The following ZNF43 variants were observed in gnomAD, a reference collection of about 807,000 sequenced individuals.
The protein encoded by ZNF43 is zinc finger protein 39-like 1 (KOX 27).
ZNF43 carries 44 observed loss-of-function variants against 68.4 expected under a neutral mutation model. The ratio of observed to expected loss-of-function variants is 0.64; its 90% CI spans 0.51 to 0.83. The LOEUF is 0.83. Ranked by LOEUF, ZNF43 falls within the 40% of genes least tolerant of loss-of-function variation. The pLI, the probability that ZNF43 is intolerant of heterozygous loss-of-function variation, is 0.00. For synonymous variants in ZNF43, 308 were observed against 307.8 expected, an observed-to-expected ratio of 1.00 and a Z score of -0.01; for missense variants, 896 against 933.2, an observed-to-expected ratio of 0.96 and a Z score of 0.52.
Position 21,810,513 on chromosome 19 carries a change from A to C in ZNF43, c.230-706T>G, listed in dbSNP as rs539951334. Among the ~76,000 whole-genome samples the C allele has an allele frequency of 3.1e-4, 47 of 152,344 alleles. 1 individual carries two copies. Among genetic ancestry groups the C allele is most frequent in the African/African-American group, 1.1e-3 (44 of 41,578 alleles). ...ATTATACTGCAGCATGAGGTTTGGA[A>C]ACATGGACATCCAAACCATATCACA... On this transcript the variant is annotated intron_variant, in intron 3 of 3. Coordinates refer to ENST00000354959, the MANE Select transcript of ZNF43 (RefSeq NM_003423.4).
intron 3 of ZNF43, among the ~76,000 whole-genome samples, chr19:21,816,029 C>A (rs1248987725): frequency 6.6e-6 from 1 of 151,058 alleles, no homozygotes; most frequent in East Asian, 1.9e-4. Flanking sequence ...CCATTGCACT[C>A]CAGCCTGGGC....
At position 21,808,882 on chromosome 19, in the gene ZNF43, A is replaced by G. The variant is rs765626561; in HGVS notation, c.1155T>C (p.Leu385=). Reference sequence around the variant, plus strand: ...CAGTATGAATTTTCTTATGTTTAGTAAGGTTTGAGGACCGGCTAAAAGCTT... The same window carrying G: ...CAGTATGAATTTTCTTATGTTTAGTGAGGTTTGAGGACCGGCTAAAAGCTT... ...CGEAFSRSSN[L]TKHKKIHTEK... The change falls in exon 4 of 4, where the codon CTT becomes CTC. Residue 385 remains leucine (L), a synonymous_variant. Coordinates refer to ENST00000354959, the MANE Select transcript of ZNF43 (RefSeq NM_003423.4). 1 of 1,613,760 alleles carries G rather than the reference A, an allele frequency of 6.2e-7. No homozygotes were observed. The highest frequency in any genetic ancestry group is 1.7e-5 in the Admixed American group (1 of 60,012).
chr19:21,822,709 G>A (rs890406014), intron 1 of ZNF43, among the ~76,000 whole-genome samples: 1 of 152,098 alleles, frequency 6.6e-6, no homozygotes, highest in Admixed American at 6.5e-5. Context: ...GGAGGCTGAG[G>A]GGGGAGAATG....
At position 21,809,755 on chromosome 19, in the gene ZNF43, A is replaced by C; in HGVS notation, c.282T>G (p.Asp94Glu). Residue 94 changes from aspartate (D) to glutamate (E), a missense_variant, in exon 4 of 4, where the codon GAT (aspartate) becomes GAG (glutamate). By Grantham distance (45) the Asp-to-Glu change is conservative. Transcript: ENST00000354959. ...QDFWPEQHIK[D>E]PFQKATLRRY... ...TTCTCAGTGTCGCTTTTTGGAAAGG[A>C]TCTTTTATATGCTGCTCTGGCCAAA... 1.9e-6 allele frequency: 3 copies of C among 1,603,530 alleles called. No individual in the cohort carries two copies. The highest frequency in any genetic ancestry group is 2.5e-6 in the Non-Finnish European group (3 of 1,177,166).
rs1468454055 is a variant in ZNF43 at position 21,807,077 on chromosome 19, A to G, written c.*530T>C. On this transcript the variant is annotated 3_prime_UTR_variant, in exon 4 of 4. Coordinates refer to ENST00000354959, the MANE Select transcript of ZNF43 (RefSeq NM_003423.4). Reference sequence around the variant, plus strand: ...TAGACCCTCATGTTTTATAAGCTGTAGTTTTTCAAAACTGTTTTTACAAAT... The same window carrying G: ...TAGACCCTCATGTTTTATAAGCTGTGGTTTTTCAAAACTGTTTTTACAAAT... 6.6e-6 allele frequency: 1 copy of G among 152,218 alleles called. No homozygotes were observed. Among genetic ancestry groups the G allele is most frequent in the African/African-American group, 2.4e-5 (1 of 41,462 alleles). The allele number at this position is 152,218 out of a possible 1,614,324, so 9.4% of individuals were successfully genotyped here.
In ZNF43 at chr19:21,848,568, G is replaced by GT. The variant is rs1194922027; in HGVS notation, c.30+3336dup. Among the ~76,000 whole-genome samples the GT allele has an allele frequency of 2.6e-5, 4 of 152,292 alleles. No individual in the cohort carries two copies. In the East Asian group the frequency reaches 7.7e-4, roughly 29 times the overall value. On this transcript the variant is annotated intron_variant, in intron 1 of 3. Transcript: ENST00000357491. The stretch of plus-strand genomic sequence containing the variant: ...TACTATTTTACAATACCCAAAATTT[G>GT]TGAGGTCCCATAAAAAGAGGAGAGT...
intron 1 of ZNF43, among the ~76,000 whole-genome samples, chr19:21,823,112 CAAAG>C (rs1251645198): frequency 2.0e-5 from 3 of 152,182 alleles, no homozygotes; most frequent in South Asian, 4.2e-4. Context: ...CAGAACAATA[CAAAG>C]AAAGTGGACA....
At chr19:21,847,423 G>A (rs1175463060) in intron 1 of ZNF43, among the ~76,000 whole-genome samples, 13 of 152,276 alleles carry the variant, frequency 8.5e-5, no homozygotes, top group South Asian at 2.1e-4. Flanking sequence ...CTGGTCAGGC[G>A]CGGTGGCTCA....
At chr19:21,844,860 G>A (rs1367593425) in intron 1 of ZNF43, among the ~76,000 whole-genome samples, 1 of 123,580 alleles carries the variant, frequency 8.1e-6, no homozygotes, top group Non-Finnish European at 1.6e-5. Flanking sequence ...TTGCTCCACT[G>A]CACTCCAGCC....
intron 1 of ZNF43, among the ~76,000 whole-genome samples, chr19:21,847,117 C>A (rs1599551371): frequency 6.6e-6 from 1 of 152,200 alleles, no homozygotes; most frequent in East Asian, 1.9e-4. Context: ...TAATAAAGAC[C>A]CATGCAGAAA....
At chr19:21,824,740 AAAAAAAAAAAAG>A (rs1483740176) in intron 1 of ZNF43, among the ~76,000 whole-genome samples, 1 of 151,692 alleles carries the variant, frequency 6.6e-6, no homozygotes, top group African/African-American at 2.4e-5. Context: ...CCTAAAAAAA[AAAAAAAAAAAAG>A]AAAAAAGAAA....
chr19:21,826,135 A>G lies in ZNF43; in HGVS notation c.4-6914T>C, dbSNP rs116571056. ...AGAAATTTTGTCTATCCTTTCTAGA[A>G]GCGACTACAGTTAATTACATATACC... On this transcript the variant is annotated intron_variant, in intron 1 of 3. Transcript: ENST00000354959. 8.3e-3 allele frequency among the ~76,000 whole-genome samples: 1,267 copies of G among 152,320 alleles called. 22 individuals are homozygous for G. The highest frequency in any genetic ancestry group is 0.029 in the African/African-American group (1,200 of 41,558).
chr19:21,809,863 A>G, intron 3 of ZNF43, 56 bp from the exon 4 acceptor site: 1 of 1,426,068 alleles, frequency 7.0e-7, no homozygotes, highest in Non-Finnish European at 9.3e-7. Flanking sequence ...AGATAAATAT[A>G]CTTTATGTAA....
chr19:21,848,366 G>A (rs1275390906), intron 1 of ZNF43, among the ~76,000 whole-genome samples: 2 of 151,958 alleles, frequency 1.3e-5, no homozygotes, highest in South Asian at 2.1e-4. Flanking sequence ...GGCTGGTCTT[G>A]AACTCCTGAC....
At chr19:21,824,801 C>A (rs910722526) in intron 1 of ZNF43, among the ~76,000 whole-genome samples, 1 of 147,238 alleles carries the variant, frequency 6.8e-6, no homozygotes, top group Non-Finnish European at 1.5e-5. Flanking sequence ...ATAAGTAAAT[C>A]ATTTATTTGG....
chr19:21,852,054 G>A lies in ZNF43; in HGVS notation c.-120C>T, dbSNP rs1009316122. The A allele has an allele frequency of 2.6e-6, 3 of 1,134,258 alleles. No individual in the cohort carries two copies. In the Admixed American group the frequency reaches 8.2e-5, roughly 31 times the overall value. 70.3% of individuals were successfully genotyped at this position (1,134,258 alleles called of 1,614,324 possible). On this transcript the variant is annotated 5_prime_UTR_variant, in exon 1 of 4. Transcript: ENST00000357491. ...CAGAGGCGGGTCCCAAGGTCTAGCG[G>A]GAGCTGGAGACAAAGGCCCCGCCAA...
intron 1 of ZNF43, among the ~76,000 whole-genome samples, chr19:21,835,109 T>G (rs940726779): frequency 2.7e-5 from 4 of 149,338 alleles, no homozygotes; most frequent in African/African-American, 9.8e-5. Context: ...ATTAGCTGGG[T>G]GTGGTGGCAG....
At chr19:21,815,508 T>TATATATATATATATATATA (rs1568355553) in intron 3 of ZNF43, among the ~76,000 whole-genome samples, 1 of 148,904 alleles carries the variant, frequency 6.7e-6, no homozygotes, top group African/African-American at 2.5e-5. Flanking sequence ...TATATATATA[T>TATATATATATATATATATA]TTTGCAGAAT....
At chr19:21,847,184 G>A (rs79201797) in intron 1 of ZNF43, among the ~76,000 whole-genome samples, 1 of 152,138 alleles carries the variant, frequency 6.6e-6, no homozygotes, top group African/African-American at 2.4e-5. Flanking sequence ...CCTGTAGGCA[G>A]GGTGCAGGCA....
Sources: gnomAD v4.1 joint callset for allele counts (sites outside exome capture counted in the v4.1 genomes callset) on GRCh38, gnomAD v4.1.1 for gene constraint, MANE v1.5 for transcripts, NCBI Gene and HGNC (gene_info 2026-07-23, HGNC 2026-07-21) for gene names.